The following CAPS2 variants were observed in gnomAD, a reference collection of about 807,000 sequenced individuals.
CAPS2 encodes the protein calcyphosine 2.
CAPS2 carries 98 observed loss-of-function variants against 86.5 expected under a neutral mutation model. The ratio of observed to expected loss-of-function variants is 1.13; its 90% CI spans 0.96 to 1.34. CAPS2 has a LOEUF of 1.34. Ranked by LOEUF, CAPS2 falls within the 40% of genes most tolerant of loss-of-function variation. The pLI, the probability that CAPS2 is intolerant of heterozygous loss-of-function variation, is 0.00. For missense variants in CAPS2, 729 were observed against 686.8 expected, an observed-to-expected ratio of 1.06 and a Z score of -0.69; for synonymous variants, 210 against 225.1, an observed-to-expected ratio of 0.93 and a Z score of 0.60.
At chr12:75,306,922 G>T (rs2038567245) in intron 7 of CAPS2, among the ~76,000 whole-genome samples, 1 of 151,914 alleles carries the variant, frequency 6.6e-6, no homozygotes, top group Admixed American at 6.6e-5. Context: ...AAAGATTCTT[G>T]TGATATAATC....
chr12:75,335,873 ATATTAG>A (rs2041700077), intron 1 of CAPS2, among the ~76,000 whole-genome samples: 3 of 152,016 alleles, frequency 2.0e-5, no homozygotes, highest in African/African-American at 7.2e-5. Flanking sequence ...AGAAATACTA[ATATTAG>A]TATTAATATG....
At chr12:75,277,401 T>C in exon 17 of CAPS2, 4 of 975,260 alleles carry the variant, frequency 4.1e-6, no homozygotes, top group Non-Finnish European at 4.9e-6. Context: ...GGGTTTAAGA[T>C]GTCTATAGTT....
intron 1 of CAPS2, among the ~76,000 whole-genome samples, chr12:75,325,767 T>C (rs765152449): frequency 5.6e-4 from 85 of 151,986 alleles, no homozygotes; most frequent in Non-Finnish European, 8.7e-4. Context: ...GGCCTCCAGA[T>C]AAGAGTTAGC....
intron 5 of CAPS2, among the ~76,000 whole-genome samples, chr12:75,320,344 T>C (rs949958407): frequency 7.9e-5 from 12 of 152,162 alleles, no homozygotes; most frequent in Admixed American, 2.0e-4. Flanking sequence ...TCATTCCGTT[T>C]TCCCAACATC....
At chr12:75,284,701 G>C (rs1402439158) in intron 15 of CAPS2, among the ~76,000 whole-genome samples, 1 of 151,892 alleles carries the variant, frequency 6.6e-6, no homozygotes, top group Non-Finnish European at 1.5e-5. Context: ...AACAACTTAT[G>C]GAGCTAGTAA....
chr12:75,321,505 T>C, exon 5 of CAPS2: 6 of 1,548,222 alleles, frequency 3.9e-6, no homozygotes, highest in Non-Finnish European at 5.2e-6. Flanking sequence ...TAATTTCAGT[T>C]TTACATTGCT....
chr12:75,300,229 C>T (rs1431018096), intron 8 of CAPS2, among the ~76,000 whole-genome samples: 1 of 152,066 alleles, frequency 6.6e-6, no homozygotes, highest in East Asian at 1.9e-4. Flanking sequence ...CCATTTCTAA[C>T]CCTCTTCTTC....
chr12:75,303,949 G>C (rs921010138), intron 8 of CAPS2, among the ~76,000 whole-genome samples: 1 of 152,130 alleles, frequency 6.6e-6, no homozygotes, highest in Admixed American at 6.5e-5. Flanking sequence ...GCTTCTAGAA[G>C]CTGCAAAAGG....
chr12:75,341,508 G>A (rs2139315034), intron 1 of CAPS2, among the ~76,000 whole-genome samples: 1 of 152,034 alleles, frequency 6.6e-6, no homozygotes, highest in East Asian at 1.9e-4. Flanking sequence ...ATGCAGTGGC[G>A]CTGTCTCGGC....
At chr12:75,373,386 A>G (rs750400955) in intron 1 of CAPS2, 2 of 152,188 alleles carry the variant, frequency 1.3e-5, no homozygotes, top group Admixed American at 6.5e-5. Flanking sequence ...TTTTTGACCA[A>G]TCATAGAGGT....
intron 11 of CAPS2, among the ~76,000 whole-genome samples, chr12:75,295,676 T>C (rs143726996): frequency 1.2e-4 from 19 of 152,276 alleles, no homozygotes; most frequent in Non-Finnish European, 2.5e-4. Flanking sequence ...GACAGGTAAG[T>C]CCTTACCTTC....
At chr12:75,340,925 A>T (rs745911371) in intron 1 of CAPS2, among the ~76,000 whole-genome samples, 27 of 152,194 alleles carry the variant, frequency 1.8e-4, no homozygotes, top group Non-Finnish European at 3.8e-4. Flanking sequence ...AATAATGACA[A>T]TACCAAATAC....
intron 2 of CAPS2, among the ~76,000 whole-genome samples, chr12:75,324,373 C>T (rs2040577700): frequency 6.6e-6 from 1 of 152,122 alleles, no homozygotes; most frequent in Admixed American, 6.6e-5. Context: ...GCTACACATC[C>T]TTTATATCAG....
chr12:75,341,794 G>A (rs954940887), intron 1 of CAPS2, among the ~76,000 whole-genome samples: 1 of 123,106 alleles, frequency 8.1e-6, no homozygotes, highest in African/African-American at 3.3e-5. Context: ...CTGTCACCCA[G>A]ACTGGAGGGC....
chr12:75,277,719 C>T (rs895263372), exon 17 of CAPS2: 2 of 846,152 alleles, frequency 2.4e-6, no homozygotes, highest in Non-Finnish European at 2.8e-6. Context: ...TGTCTAAAGT[C>T]ATATTCTACA....
At position 75,350,696 on chromosome 12, in the gene CAPS2, G is replaced by T. The variant is rs143804351; in HGVS notation, c.-394-27474C>A. On this transcript the variant is annotated intron_variant, in intron 1 of 5. Transcript: ENST00000551829. ...CCACAAAAACCCCATCCAAAGGTCA[G>T]CAGATTCAAAGATCAAAGGTAGATA... 1.2e-4 allele frequency among the ~76,000 whole-genome samples: 19 copies of T among 152,288 alleles called. No homozygotes were observed. The East Asian group carries it at 3.7e-3, about 29-fold the overall frequency.
At chr12:75,291,561 T>TA (rs2035908990) in intron 13 of CAPS2, among the ~76,000 whole-genome samples, 183 bp downstream of exon 13, 1 of 93,402 alleles carries the variant, frequency 1.1e-5, no homozygotes, top group Non-Finnish European at 2.0e-5. Flanking sequence ...TAGCTTATTT[T>TA]TAAAAGTATA....
intron 8 of CAPS2, among the ~76,000 whole-genome samples, chr12:75,302,474 T>C (rs1565842650): frequency 6.6e-6 from 1 of 152,176 alleles, no homozygotes; most frequent in Non-Finnish European, 1.5e-5. Context: ...AATGATTTAG[T>C]GGTAGGCAGA....
rs757255362 is a variant in CAPS2, at chr12:75,289,620, C to A, written c.1395+1G>T. 5.0e-6 allele frequency: 8 copies of A among 1,607,844 alleles called. No homozygotes were observed. Among genetic ancestry groups the A allele is most frequent in the Non-Finnish European group, 6.8e-6 (8 of 1,177,906 alleles). ...TGCAGAGAATTTTCTGTAGCACATA[C>A]CTTTTCAGACACTTCTAAGTGAAAC... On this transcript the variant is annotated splice_donor_variant, in intron 14 of 16. Coordinates refer to ENST00000393284, the Ensembl canonical transcript of CAPS2. LOFTEE classifies it high-confidence loss of function.
Sources: gnomAD v4.1 joint callset for allele counts (sites outside exome capture counted in the v4.1 genomes callset) on GRCh38, gnomAD v4.1.1 for gene constraint, MANE v1.5 for transcripts, NCBI Gene and HGNC (gene_info 2026-07-23, HGNC 2026-07-21) for gene names.